RANBP17: variants seen among roughly 807,000 people sequenced by gnomAD.
RANBP17 encodes the protein ran-binding protein 17.
Under a neutral mutation model 141.2 loss-of-function variants are expected in RANBP17, and 158 were observed. That is an observed-to-expected ratio of 1.12 (90% CI 0.98 to 1.28). The LOEUF is 1.28. Among genes scored for constraint, RANBP17 ranks in the 50% most tolerant of loss-of-function variants. RANBP17 has a pLI of 0.00. For synonymous variants in RANBP17, 430 were observed against 450.0 expected (o/e 0.96, Z 0.56); for missense variants, 1,438 against 1,290.7 (o/e 1.11, Z -1.75).
intron 1 of RANBP17, among the ~76,000 whole-genome samples, chr5:170,876,432 T>C (rs994617157): frequency 2.6e-5 from 4 of 152,210 alleles, no homozygotes. Context: ...TTTTACGTAT[T>C]CATGAACTAT....
At chr5:170,926,435 G>T (rs549700929) in intron 12 of RANBP17, among the ~76,000 whole-genome samples, 2 of 146,688 alleles carry the variant, frequency 1.4e-5, no homozygotes, top group African/African-American at 2.5e-5. Context: ...TTTATTGATT[G>T]TTGTATCATC....
chr5:171,064,118 G>A (rs569677144), intron 14 of RANBP17, among the ~76,000 whole-genome samples: 24 of 152,350 alleles, frequency 1.6e-4, no homozygotes, highest in Admixed American at 1.6e-3. Flanking sequence ...CACTTCTGGA[G>A]TGAGGCAATG....
chr5:171,134,695 G>A (rs923402312), intron 14 of RANBP17, among the ~76,000 whole-genome samples: 1 of 152,168 alleles, frequency 6.6e-6, no homozygotes, highest in Non-Finnish European at 1.5e-5. Flanking sequence ...CGAGGCAGGT[G>A]GATTGCTTTG....
rs181273465 is a variant in RANBP17 at position 170,972,940 on chromosome 5, G to A, written c.1710+4563G>A. Among the ~76,000 whole-genome samples, 534 of 152,044 alleles carry A rather than the reference G, an allele frequency of 3.5e-3. 1 individual carries two copies. Among genetic ancestry groups the A allele is most frequent in the Non-Finnish European group, 4.9e-3 (332 of 67,982 alleles). On this transcript the variant is annotated intron_variant, in intron 14 of 27. Transcript: ENST00000523189. Reference sequence around the variant, plus strand: ...GCTTAAATTTTTTTATTGGTTTCTCGTTACTTATAAAATGAATTCTTGCTT... The same window carrying A: ...GCTTAAATTTTTTTATTGGTTTCTCATTACTTATAAAATGAATTCTTGCTT...
intron 24 of RANBP17, among the ~76,000 whole-genome samples, chr5:171,253,232 T>TA (rs1279513854): frequency 2.6e-5 from 4 of 152,240 alleles, no homozygotes; most frequent in African/African-American, 9.6e-5. Context: ...AAATCAGAGA[T>TA]ACCAGTTCCT....
Position 171,265,821 on chromosome 5 carries a change from C to T in RANBP17, c.2917C>T (p.Gln973Ter). ...TGGTCAGAGACTATTACATTTTATG[C>T]AGCAAAACCCAGATGTCCTGCAGCA... Reference protein sequence around the residue: ...QAGQRLLHFMQQNPDVLQQMM... With the variant: ...QAGQRLLHFM Residue 973 changes from glutamine to a stop codon, truncating the protein, a stop_gained, in exon 25 of 28, where the codon CAG becomes TAG. Transcript: ENST00000523189. LOFTEE classifies it high-confidence loss of function. 1 of 1,613,426 alleles carries T rather than the reference C, an allele frequency of 6.2e-7. No individual in the cohort carries two copies. Among genetic ancestry groups the T allele is most frequent in the Non-Finnish European group, 8.5e-7 (1 of 1,179,756 alleles).
At chr5:171,128,809 AAAAT>A (rs988814073) in intron 14 of RANBP17, among the ~76,000 whole-genome samples, 1 of 118,078 alleles carries the variant, frequency 8.5e-6, no homozygotes, top group African/African-American at 2.7e-5. Flanking sequence ...ATAAAAAAAT[AAAAT>A]AGTCAAGACC....
At chr5:170,864,231 C>G (rs1006938606) in intron 1 of RANBP17, among the ~76,000 whole-genome samples, 1 of 152,162 alleles carries the variant, frequency 6.6e-6, no homozygotes, top group Non-Finnish European at 1.5e-5. Context: ...CTTACTGTCA[C>G]CTACCCAAAA....
chr5:170,958,217 T>C (rs1354112205), intron 13 of RANBP17, among the ~76,000 whole-genome samples: 2 of 152,182 alleles, frequency 1.3e-5, no homozygotes, highest in Non-Finnish European at 2.9e-5. Flanking sequence ...TCCTGGGGTA[T>C]TTCACTTTTC....
intron 12 of RANBP17, among the ~76,000 whole-genome samples, chr5:170,927,751 C>T (rs1402309471): frequency 3.3e-5 from 5 of 151,966 alleles, no homozygotes; most frequent in Non-Finnish European, 5.9e-5. Context: ...TATTGCCTTA[C>T]CATAGTTTAT....
At chr5:171,124,477 A>G (rs1268395670) in intron 14 of RANBP17, among the ~76,000 whole-genome samples, 2 of 152,200 alleles carry the variant, frequency 1.3e-5, no homozygotes. Flanking sequence ...TGCAAAATAT[A>G]TAGTCTTGCA....
rs775888155 is a variant in RANBP17 at position 170,968,250 on chromosome 5, A to C, written c.1583A>C (p.Gln528Pro). ...ATTTTCCCTTCATGAAGAGTTTTTCAGCTTATATCTTTAATGGATACCGGA... is the reference window on the plus strand; with the variant it reads ...ATTTTCCCTTCATGAAGAGTTTTTCCGCTTATATCTTTAATGGATACCGGA... ...MDGELSCRVFQLISLMDTGLP... is the reference protein window; with the variant it reads ...MDGELSCRVFPLISLMDTGLP... Residue 528 changes from glutamine (Q) to proline (P), a missense_variant, in exon 14 of 28, where the codon CAG (glutamine) becomes CCG (proline). By Grantham distance (76) the Gln-to-Pro change is moderately conservative. Transcript: ENST00000523189. The C allele has an allele frequency of 3.8e-6, 6 of 1,561,458 alleles. No homozygotes were observed. Among genetic ancestry groups the C allele is most frequent in the Non-Finnish European group, 5.2e-6 (6 of 1,163,700 alleles).
chr5:171,117,131 G>A (rs1347078918), intron 14 of RANBP17, among the ~76,000 whole-genome samples: 7 of 152,120 alleles, frequency 4.6e-5, no homozygotes, highest in Non-Finnish European at 7.4e-5. Flanking sequence ...ACATGGCAGC[G>A]GGGGTGGTGG....
chr5:171,211,152 ATAAAGT>A (rs1262800835), intron 20 of RANBP17, among the ~76,000 whole-genome samples: 1 of 152,166 alleles, frequency 6.6e-6, no homozygotes, highest in East Asian at 1.9e-4. Flanking sequence ...AACAGTCAAA[ATAAAGT>A]TAATCAAGTG....
intron 22 of RANBP17, among the ~76,000 whole-genome samples, chr5:171,223,193 A>T (rs1763677331): frequency 2.0e-5 from 3 of 152,128 alleles, no homozygotes; most frequent in Admixed American, 2.0e-4. Flanking sequence ...TGCACATCTG[A>T]TTTGTAGAAT....
intron 14 of RANBP17, among the ~76,000 whole-genome samples, chr5:170,969,555 G>A (rs1250910787): frequency 6.6e-6 from 1 of 151,832 alleles, no homozygotes; most frequent in African/African-American, 2.4e-5. Flanking sequence ...CTTTGCTTTT[G>A]CAAAAGGGTT....
Position 170,955,654 on chromosome 5 carries a change from A to G in RANBP17, c.1574+1952A>G, listed in dbSNP as rs1484695842. ...ATATATATATATGCTCAGTGTATAT[A>G]TATATATATATATATATATATATAT... On this transcript the variant is annotated intron_variant, in intron 13 of 27. Transcript: ENST00000523189. Among the ~76,000 whole-genome samples, 28 of 37,402 alleles carry G rather than the reference A, an allele frequency of 7.5e-4. 5 individuals carry two copies. The South Asian group carries it at 0.02, about 27-fold the overall frequency. The allele number at this position is 37,402 out of a possible 152,430, so 24.5% of individuals were successfully genotyped here.
At chr5:171,214,465 A>G (rs1048018652) in intron 21 of RANBP17, among the ~76,000 whole-genome samples, 1 of 152,212 alleles carries the variant, frequency 6.6e-6, no homozygotes, top group African/African-American at 2.4e-5. Flanking sequence ...ACCAAATTAC[A>G]TGTCACTTAG....
chr5:171,260,422 C>T (rs1480114758), intron 24 of RANBP17, among the ~76,000 whole-genome samples: 1 of 143,352 alleles, frequency 7.0e-6, no homozygotes, highest in Non-Finnish European at 1.5e-5. Flanking sequence ...GAGCCGAGAT[C>T]ACTGCACTTC....
Sources: allele counts gnomAD v4.1 joint callset (sites outside exome capture counted in the v4.1 genomes callset), GRCh38; gene constraint gnomAD v4.1.1; transcripts MANE v1.5; gene names NCBI Gene and HGNC (gene_info 2026-07-23, HGNC 2026-07-21).